Variants in NECAB2 observed in about 807,000 individuals in gnomAD.
NECAB2 encodes N-terminal EF-hand calcium-binding protein 2.
In NECAB2, 68 loss-of-function variants were observed where a neutral mutation model predicts 51.9. The ratio of observed to expected loss-of-function variants is 1.31; its 90% CI spans 1.08 to 1.60. The LOEUF (loss-of-function observed/expected upper bound fraction) is 1.60, where lower values mean the gene tolerates loss of function less well. Ranked by LOEUF, NECAB2 falls within the 40% of genes most tolerant of loss-of-function variation. The pLI is 0.00. For missense variants in NECAB2, 854 were observed against 490.3 expected (o/e 1.74, Z -7.00); for synonymous variants, 329 against 203.5 (o/e 1.62, Z -5.25).
At chr16:83,990,761 G>A in intron 6 of NECAB2, 131 bp downstream of exon 6, 2 of 1,151,132 alleles carry the variant, frequency 1.7e-6, no homozygotes, top group South Asian at 1.6e-5. Context: ...ACAGCTCTTT[G>A]TGCCTTTGGT....
At chr16:84,001,761 A>G (rs577397545) in intron 11 of NECAB2, 64 bp from the exon 12 acceptor site, 4 of 1,563,194 alleles carry the variant, frequency 2.6e-6, no homozygotes, top group African/African-American at 2.7e-5. Flanking sequence ...TAGGATTAAC[A>G]GGGGAGCCAC....
At chr16:83,979,583 T>C (rs2084458695) in intron 3 of NECAB2, among the ~76,000 whole-genome samples, 1 of 152,150 alleles carries the variant, frequency 6.6e-6, no homozygotes, top group Admixed American at 6.5e-5. Flanking sequence ...TTCTGAGCTG[T>C]TACTGCAGCT....
rs576204023 is a variant in NECAB2 at position 83,999,882 on chromosome 16, A to AT, written c.963-837dup. Among the ~76,000 whole-genome samples the AT allele has an allele frequency of 2.7e-5, 4 of 145,456 alleles. No homozygotes were observed. In the East Asian group the frequency reaches 7.7e-4, roughly 28 times the overall value. On this transcript the variant is annotated intron_variant, in intron 10 of 12. Coordinates refer to ENST00000305202, the MANE Select transcript of NECAB2 (RefSeq NM_019065.3). ...TGCTTTGATTTTTAAAGGTTTTTTG[A>AT]TTTTTAAAGGTTTTTTGAGACCAAA...
At position 84,001,837 on chromosome 16, in the gene NECAB2, C is replaced by G. The variant is rs1044276637; in HGVS notation, c.1053C>G (p.Ser351Arg). The G allele has an allele frequency of 4.3e-6, 7 of 1,614,074 alleles. No individual in the cohort carries two copies. Among genetic ancestry groups the G allele is most frequent in the Non-Finnish European group, 5.9e-6 (7 of 1,179,938 alleles). Residue 351 changes from serine to arginine, a missense_variant, in exon 12 of 13, where the codon AGC (serine) becomes AGG (arginine). Ser to Arg is a moderately radical substitution (Grantham distance 110). Coordinates refer to ENST00000305202, the MANE Select transcript of NECAB2 (RefSeq NM_019065.3). ...TEEAWKRHLQ[S>R]PLCKAFRHVK... is the part of the protein sequence containing the mutation. ...CCCTGCGTCACAGGCACCTGCAGAG[C>G]CCCCTGTGTAAGGCGTTCCGGCACG... is the stretch of plus-strand genomic sequence containing the variant.
intron 2 of NECAB2, among the ~76,000 whole-genome samples, chr16:83,973,861 C>G (rs1338264989): frequency 1.3e-5 from 2 of 152,026 alleles, no homozygotes; most frequent in African/African-American, 4.8e-5. Context: ...GGGCCTCTAG[C>G]CATGGCTGTG....
chr16:83,985,313 C>CAAAAAAAAAAAAAAAAAAAA (rs71148868), intron 5 of NECAB2, among the ~76,000 whole-genome samples: 9 of 30,194 alleles, frequency 3.0e-4, no homozygotes, highest in Non-Finnish European at 3.9e-4. Context: ...ATCTCTGTCT[C>CAAAAAAAAAAAAAAAAAAAA]AAAAAAAAAA....
At chr16:83,965,425 C>T (rs140509674), upstream of NECAB2, 4 of 1,584,068 alleles carry the variant, frequency 2.5e-6, no homozygotes, top group Non-Finnish European at 3.4e-6. Context: ...TGACCCCGGC[C>T]TCAGACCCTG....
upstream of NECAB2, chr16:83,965,886 G>T (rs142452879): frequency 1.2e-6 from 2 of 1,612,856 alleles, no homozygotes; most frequent in Non-Finnish European, 1.7e-6. Context: ...CAGAGCACCC[G>T]CCAGGAGGGC....
chr16:83,978,750 C>T lies in NECAB2; in HGVS notation c.335+198C>T, dbSNP rs75932597. Among the ~76,000 whole-genome samples, 210 of 152,136 alleles carry T rather than the reference C, an allele frequency of 1.4e-3. 1 individual carries two copies. Among genetic ancestry groups the T allele is most frequent in the Non-Finnish European group, 2.3e-3 (156 of 68,002 alleles). ...AGATTCATATTGCATTGGCTACTAT[C>T]GCAAGTGTGTCTTCTGAGTGCACAT... On this transcript the variant is annotated intron_variant, in intron 3 of 12. Coordinates refer to ENST00000305202, the MANE Select transcript of NECAB2 (RefSeq NM_019065.3).
intron 9 of NECAB2, 125 bp from the exon 10 acceptor site, chr16:83,998,080 A>G (rs751760074): frequency 3.7e-6 from 3 of 808,930 alleles, no homozygotes; most frequent in Middle Eastern, 2.4e-4. Context: ...TTCATGGGTA[A>G]GAATGAAAAG....
chr16:83,965,905 C>T (rs371065642), upstream of NECAB2: 4 of 1,612,848 alleles, frequency 2.5e-6, no homozygotes, highest in East Asian at 2.2e-5. Flanking sequence ...GCCTGTACGC[C>T]ATGGGGCCGC....
chr16:83,994,378 C>G lies in NECAB2; in HGVS notation c.673C>G (p.His225Asp), dbSNP rs754962018. The G allele has an allele frequency of 6.2e-6, 10 of 1,614,080 alleles. No individual in the cohort carries two copies. The African/African-American group carries it at 8.0e-5, about 13-fold the overall frequency. The change falls in exon 7 of 13, where the codon CAC becomes GAC. Residue 225 changes from histidine (H) to aspartate (D), a missense_variant. His to Asp is a moderately conservative substitution (Grantham distance 81). Coordinates refer to ENST00000305202, the MANE Select transcript of NECAB2 (RefSeq NM_019065.3). ...CCCCACTCCCGCCTCTGCCCCCAAC[C>G]ACAAGCTCATGGCTATGGAACAAGG... Reference protein sequence around the residue: ...GSPTPASAPNHKLMAMEQGKT... With the variant: ...GSPTPASAPNDKLMAMEQGKT...
chr16:84,001,530 G>A (rs1010581968), intron 11 of NECAB2, among the ~76,000 whole-genome samples: 1 of 152,170 alleles, frequency 6.6e-6, no homozygotes, highest in African/African-American at 2.4e-5. Flanking sequence ...GTCCCAGGCA[G>A]AGGATGGCCC....
At chr16:83,972,916 T>C (rs1380246833) in intron 2 of NECAB2, among the ~76,000 whole-genome samples, 1 of 152,112 alleles carries the variant, frequency 6.6e-6, no homozygotes, top group Non-Finnish European at 1.5e-5. Context: ...AATACCAGAA[T>C]CATTATTACA....
chr16:83,979,660 T>C (rs1433156405), intron 3 of NECAB2, among the ~76,000 whole-genome samples: 1 of 149,658 alleles, frequency 6.7e-6, no homozygotes, highest in Non-Finnish European at 1.5e-5. Flanking sequence ...CAGGGCCTTT[T>C]GTGTTAGGAC....
chr16:83,994,825 G>A (rs139024420), intron 8 of NECAB2, 137 bp downstream of exon 8: 43 of 1,014,238 alleles, frequency 4.2e-5, no homozygotes, highest in South Asian at 7.4e-5. Context: ...CAGGTGGGGC[G>A]TGGAGCTGCC....
chr16:83,980,689 G>A (rs2084475611), intron 3 of NECAB2, 150 bp from the exon 4 acceptor site: 1 of 1,064,304 alleles, frequency 9.4e-7, no homozygotes, highest in Non-Finnish European at 1.4e-6. Flanking sequence ...TCACCTACCT[G>A]CTGCACCCTC....
In NECAB2 at chr16:83,998,195, T is replaced by G; in HGVS notation, c.850-10T>G. 1 of 1,606,510 alleles carries G rather than the reference T, an allele frequency of 6.2e-7. No individual in the cohort carries two copies. The highest frequency in any genetic ancestry group is 8.5e-7 in the Non-Finnish European group (1 of 1,179,670). On this transcript the variant is annotated splice_polypyrimidine_tract_variant and intron_variant, in intron 9 of 12. Coordinates refer to ENST00000305202, the MANE Select transcript of NECAB2 (RefSeq NM_019065.3). Reference sequence around the variant, plus strand: ...TGGAGCCCCACACTGACTCCTGCTGTGCCCGGCAGCACCTGCAGCTGGTCC... The same window carrying G: ...TGGAGCCCCACACTGACTCCTGCTGGGCCCGGCAGCACCTGCAGCTGGTCC...
chr16:83,966,419 T>G, upstream of NECAB2: 1 of 205,238 alleles, frequency 4.9e-6, no homozygotes. Context: ...GAAAGGGGAT[T>G]GTGGGAGGAG....
Sources: gnomAD v4.1 joint callset for allele counts (sites outside exome capture counted in the v4.1 genomes callset) on GRCh38, gnomAD v4.1.1 for gene constraint, MANE v1.5 for transcripts, NCBI Gene and HGNC (gene_info 2026-07-23, HGNC 2026-07-21) for gene names.